MGAT4C: variants seen among roughly 807,000 people sequenced by gnomAD.
MGAT4C encodes alpha-1,3-mannosyl-glycoprotein 4-beta-N-acetylglucosaminyltransferase C.
Under a neutral mutation model 40.1 loss-of-function variants are expected in MGAT4C, and 19 were observed. The observed-to-expected ratio is 0.47, with a 90% confidence interval of 0.33 to 0.70. The LOEUF is 0.70. MGAT4C is among the 30% of genes least tolerant of loss of function. The pLI is 0.02. For missense variants in MGAT4C, 491 were observed against 563.2 expected (o/e 0.87, Z 1.30); for synonymous variants, 181 against 187.1 (o/e 0.97, Z 0.27).
chr12:86,275,784 A>C (rs1286928431), intron 4 of MGAT4C, among the ~76,000 whole-genome samples: 1 of 152,028 alleles, frequency 6.6e-6, no homozygotes, highest in East Asian at 1.9e-4. Flanking sequence ...GACCTGTTTT[A>C]GATTTCTAAC....
chr12:86,388,021 G>A (rs545695451), intron 3 of MGAT4C, among the ~76,000 whole-genome samples: 1 of 152,248 alleles, frequency 6.6e-6, no homozygotes, highest in South Asian at 2.1e-4. Flanking sequence ...CAGAATAGAT[G>A]CTTGTAATTC....
chr12:86,125,282 C>T (rs899982438), intron 1 of MGAT4C, among the ~76,000 whole-genome samples: 1 of 152,190 alleles, frequency 6.6e-6, no homozygotes, highest in Non-Finnish European at 1.5e-5. Context: ...GACATATATA[C>T]TGTACCTATC....
At chr12:86,425,507 C>T (rs1565753588) in intron 3 of MGAT4C, among the ~76,000 whole-genome samples, 1 of 152,214 alleles carries the variant, frequency 6.6e-6, no homozygotes, top group Non-Finnish European at 1.5e-5. Context: ...CCATGCAGAA[C>T]TGTGAGTCAA....
chr12:86,132,604 T>C (rs920728682), intron 1 of MGAT4C, among the ~76,000 whole-genome samples: 1 of 151,952 alleles, frequency 6.6e-6, no homozygotes, highest in Non-Finnish European at 1.5e-5. Context: ...CTATCCTGGC[T>C]AACACGATGA....
chr12:86,817,895 A>C (rs955576767), intron 1 of MGAT4C, among the ~76,000 whole-genome samples: 14 of 151,378 alleles, frequency 9.2e-5, no homozygotes, highest in African/African-American at 3.4e-4. Context: ...AAACTGCCTA[A>C]AGCAGGAATT....
chr12:86,466,330 C>T (rs1407498764), intron 2 of MGAT4C, among the ~76,000 whole-genome samples: 1 of 152,120 alleles, frequency 6.6e-6, no homozygotes, highest in African/African-American at 2.4e-5. Context: ...TACTGTGGTA[C>T]ATCCAGTCAA....
chr12:86,081,533 G>A (rs1174408732), intron 1 of MGAT4C, among the ~76,000 whole-genome samples: 1 of 152,242 alleles, frequency 6.6e-6, no homozygotes, highest in East Asian at 1.9e-4. Flanking sequence ...TCAAGAGCTA[G>A]TGTTCATCTA....
chr12:86,525,754 G>A (rs1592951676), intron 2 of MGAT4C, among the ~76,000 whole-genome samples: 1 of 152,292 alleles, frequency 6.6e-6, no homozygotes, highest in Non-Finnish European at 1.5e-5. Flanking sequence ...TAACTCTAGG[G>A]AGCTTGTATT....
chr12:86,825,285 T>C (rs1274664987), intron 1 of MGAT4C, among the ~76,000 whole-genome samples: 1 of 145,100 alleles, frequency 6.9e-6, no homozygotes, highest in African/African-American at 2.6e-5. Flanking sequence ...CTCAAATCCA[T>C]AAATGTGAGT....
intron 1 of MGAT4C, among the ~76,000 whole-genome samples, chr12:86,759,917 C>T (rs1951371918): frequency 6.6e-6 from 1 of 151,986 alleles, no homozygotes; most frequent in Non-Finnish European, 1.5e-5. Flanking sequence ...TGAATATTTA[C>T]TTTTGTTTGC....
rs377342191 is a variant in MGAT4C, at chr12:86,658,815, CTT to C, written c.-229+68392_-229+68393del. On this transcript the variant is annotated intron_variant, in intron 2 of 7. Coordinates refer to the MGAT4C transcript ENST00000548651. ...GTTGACTTTAGGTTTGGCCATGTGACTTGTGTTTTCCAATAGTATGTGATGCA... is the reference window on the plus strand; with the variant it reads ...GTTGACTTTAGGTTTGGCCATGTGACGTGTTTTCCAATAGTATGTGATGCA... Among the ~76,000 whole-genome samples, 537 of 152,160 alleles carry C rather than the reference CTT, an allele frequency of 3.5e-3. 3 individuals carry two copies. The highest frequency in any genetic ancestry group is 0.013 in the African/African-American group (522 of 41,534).
intron 1 of MGAT4C, among the ~76,000 whole-genome samples, chr12:86,189,539 T>C (rs1889138316): frequency 6.6e-6 from 1 of 152,010 alleles, no homozygotes; most frequent in African/African-American, 2.4e-5. Flanking sequence ...ATTTTTCTAT[T>C]GTAGTGCTTC....
intron 2 of MGAT4C, among the ~76,000 whole-genome samples, chr12:86,024,857 A>G (rs1890109713): frequency 6.6e-6 from 1 of 151,704 alleles, no homozygotes; most frequent in Non-Finnish European, 1.5e-5. Flanking sequence ...TAAAGTGTCA[A>G]TTCCCTTTAT....
At chr12:86,656,850 TA>T (rs1963863122) in intron 2 of MGAT4C, among the ~76,000 whole-genome samples, 1 of 152,064 alleles carries the variant, frequency 6.6e-6, no homozygotes, top group Admixed American at 6.6e-5. Flanking sequence ...TCCTCATAAA[TA>T]GAGCTTCAGT....
intron 2 of MGAT4C, among the ~76,000 whole-genome samples, chr12:86,597,205 C>G (rs1961573108): frequency 6.6e-6 from 1 of 152,182 alleles, no homozygotes; most frequent in Non-Finnish European, 1.5e-5. Context: ...TTGTAGGTTA[C>G]TGCCCGGCAG....
intron 3 of MGAT4C, among the ~76,000 whole-genome samples, chr12:86,348,635 A>C (rs1007637851): frequency 6.6e-6 from 1 of 152,186 alleles, no homozygotes; most frequent in African/African-American, 2.4e-5. Flanking sequence ...AAGGCCTTGC[A>C]TCACCATCTT....
chr12:86,635,184 C>A (rs1323834405), intron 2 of MGAT4C, among the ~76,000 whole-genome samples: 5 of 152,092 alleles, frequency 3.3e-5, no homozygotes, highest in African/African-American at 9.7e-5. Flanking sequence ...TGTCTTTATG[C>A]ATCTAAACTG....
At chr12:86,812,185 T>C (rs1952490976) in intron 1 of MGAT4C, among the ~76,000 whole-genome samples, 3 of 152,148 alleles carry the variant, frequency 2.0e-5, no homozygotes, top group Non-Finnish European at 4.4e-5. Flanking sequence ...TTTCATTTAC[T>C]TTAAATTTAT....
chr12:86,537,552 C>T (rs2136380566), intron 2 of MGAT4C, among the ~76,000 whole-genome samples: 1 of 151,926 alleles, frequency 6.6e-6, no homozygotes, highest in East Asian at 1.9e-4. Context: ...AATAATGGTG[C>T]TTAATTTCAG....
Sources: allele counts gnomAD v4.1 joint callset (sites outside exome capture counted in the v4.1 genomes callset), GRCh38; gene constraint gnomAD v4.1.1; transcripts MANE v1.5; gene names NCBI Gene and HGNC (gene_info 2026-07-23, HGNC 2026-07-21).